The following EYA4 variants were observed in gnomAD, a reference collection of about 807,000 sequenced individuals.
The protein encoded by EYA4 is protein phosphatase EYA4.
A neutral mutation model predicts 87.9 loss-of-function variants in EYA4; 31 were observed. The observed-to-expected ratio is 0.35, with a 90% CI of 0.27 to 0.48. EYA4 has a LOEUF of 0.48. EYA4 is among the 20% of genes least tolerant of loss of function. The probability of loss-of-function intolerance (pLI) is 0.99; values close to 1 mark genes in which losing one functional copy is unlikely to be tolerated. For missense variants in EYA4, 678 were observed against 761.4 expected (o/e 0.89, Z 1.29); for synonymous variants, 263 against 270.6 (o/e 0.97, Z 0.28).
intron 3 of EYA4, among the ~76,000 whole-genome samples, chr6:133,396,631 C>T (rs893016775): frequency 1.4e-4 from 21 of 152,028 alleles, no homozygotes; most frequent in Admixed American, 3.3e-4. Flanking sequence ...AGGTTTTTCT[C>T]ATTATTTATA....
rs1799281344 is a variant in EYA4, at chr6:133,512,936, T to G, written c.1399T>G (p.Leu467Val). 6.2e-7 allele frequency: 1 copy of G among 1,614,054 alleles called. No homozygotes were observed. The highest frequency in any genetic ancestry group is 1.3e-5 in the African/African-American group (1 of 74,930). ...AGCTGCAAGTAGTGCAAACCTTTGT[T>G]TGCCAACAGGTGTAAGAGGAGGGGT... The part of the protein sequence containing the change: ...HAAASSANLC[L>V]PTGVRGGVDW... The change falls in exon 16 of 20, where the codon TTG (leucine) becomes GTG (valine). Residue 467 changes from leucine (L) to valine (V), a missense_variant. Leu to Val is a conservative substitution (Grantham distance 32, BLOSUM62 1). Transcript: ENST00000355286.
intron 2 of EYA4, among the ~76,000 whole-genome samples, chr6:133,350,491 C>T (rs1158034405): frequency 2.6e-5 from 4 of 151,868 alleles, no homozygotes; most frequent in Admixed American, 6.6e-5. Flanking sequence ...GAAAGGCAAC[C>T]GTTCAAATAT....
intron 5 of EYA4, among the ~76,000 whole-genome samples, chr6:133,451,616 G>A (rs1793449349): frequency 6.6e-6 from 1 of 152,168 alleles, no homozygotes; most frequent in Non-Finnish European, 1.5e-5. Flanking sequence ...TGGGAACCCA[G>A]TGACCTAAAG....
intron 2 of EYA4, among the ~76,000 whole-genome samples, chr6:133,280,689 C>T (rs1429631828): frequency 6.6e-6 from 1 of 152,156 alleles, no homozygotes; most frequent in African/African-American, 2.4e-5. Context: ...GCCACCGCGC[C>T]CGGCCAATAG....
intron 3 of EYA4, among the ~76,000 whole-genome samples, chr6:133,387,829 A>G (rs1046791891): frequency 6.6e-6 from 1 of 152,112 alleles, no homozygotes; most frequent in Non-Finnish European, 1.5e-5. Context: ...GTCTGGCCTC[A>G]TGTGGATGCT....
At chr6:133,311,759 G>A (rs573418222) in intron 2 of EYA4, among the ~76,000 whole-genome samples, 2 of 152,260 alleles carry the variant, frequency 1.3e-5, no homozygotes, top group African/African-American at 4.8e-5. Flanking sequence ...TAAGCTCCAC[G>A]AGGACATTCA....
rs771021236 is a variant in EYA4, at chr6:133,461,172, T to C, written c.429T>C (p.Tyr143=). The part of the protein sequence containing the change: ...RSAHQYSPQL[Y]PSKPYPHILS... ...CACATCAGTATTCCCCACAGCTGTA[T>C]CCTTCCAAGTAAGTGGTCAGTAGAT... Residue 143 remains tyrosine (Y), a synonymous_variant, in exon 7 of 20, where the codon TAT becomes TAC. Transcript: ENST00000355286. 1 of 1,611,276 alleles carries C rather than the reference T, an allele frequency of 6.2e-7. No individual in the cohort carries two copies. Among genetic ancestry groups the C allele is most frequent in the Non-Finnish European group, 8.5e-7 (1 of 1,177,500 alleles).
At chr6:133,436,351 C>G (rs569406743) in intron 3 of EYA4, among the ~76,000 whole-genome samples, 4 of 152,314 alleles carry the variant, frequency 2.6e-5, no homozygotes, top group African/African-American at 9.6e-5. Context: ...ATTCTAAGAA[C>G]TGTCCCAAGA....
intron 3 of EYA4, among the ~76,000 whole-genome samples, chr6:133,437,533 T>C (rs1791807523): frequency 6.6e-6 from 1 of 152,202 alleles, no homozygotes; most frequent in South Asian, 2.1e-4. Flanking sequence ...TGATAATATA[T>C]ATATGAAAAA....
chr6:133,473,011 C>A (rs953970164), intron 11 of EYA4, among the ~76,000 whole-genome samples: 46 of 151,960 alleles, frequency 3.0e-4, no homozygotes, highest in Non-Finnish European at 5.9e-5. Flanking sequence ...TTATAATACA[C>A]ATACTGATAC....
chr6:133,440,494 T>A (rs1792169436), intron 3 of EYA4, among the ~76,000 whole-genome samples: 1 of 152,108 alleles, frequency 6.6e-6, no homozygotes, highest in Non-Finnish European at 1.5e-5. Context: ...CAAATGACAA[T>A]AAGTTAAGAC....
intron 2 of EYA4, among the ~76,000 whole-genome samples, chr6:133,293,237 G>T (rs1477902911): frequency 6.6e-6 from 1 of 152,096 alleles, no homozygotes; most frequent in African/African-American, 2.4e-5. Flanking sequence ...TTCATCCAAA[G>T]ATCCACTAAA....
intron 13 of EYA4, among the ~76,000 whole-genome samples, chr6:133,486,257 T>C (rs978479927): frequency 7.2e-5 from 11 of 152,228 alleles, no homozygotes; most frequent in Non-Finnish European, 1.6e-4. Context: ...ACAATTTACT[T>C]AATGTAATTC....
chr6:133,265,514 G>C (rs1317394632), intron 1 of EYA4, among the ~76,000 whole-genome samples: 1 of 151,978 alleles, frequency 6.6e-6, no homozygotes, highest in Non-Finnish European at 1.5e-5. Context: ...ATATATTTGT[G>C]AAAACTAAAT....
intron 13 of EYA4, among the ~76,000 whole-genome samples, chr6:133,500,059 T>C (rs1484435838): frequency 6.6e-6 from 1 of 150,842 alleles, no homozygotes; most frequent in Non-Finnish European, 1.5e-5. Flanking sequence ...GGGAAGGGTC[T>C]ACAAGTGTGC....
At chr6:133,522,536 G>C (rs955337331) in intron 17 of EYA4, among the ~76,000 whole-genome samples, 1 of 152,044 alleles carries the variant, frequency 6.6e-6, no homozygotes, top group Non-Finnish European at 1.5e-5. Flanking sequence ...GAAAGTAAAT[G>C]CATGAAATGG....
intron 12 of EYA4, among the ~76,000 whole-genome samples, chr6:133,481,817 C>A (rs1562471711): frequency 6.6e-6 from 1 of 152,020 alleles, no homozygotes; most frequent in Non-Finnish European, 1.5e-5. Context: ...TAAAAATGAT[C>A]TTGATTTACA....
intron 3 of EYA4, among the ~76,000 whole-genome samples, chr6:133,444,813 T>TAA (rs901404854): frequency 2.0e-5 from 3 of 152,220 alleles, no homozygotes; most frequent in African/African-American, 7.2e-5. Flanking sequence ...GGCAGCGTAC[T>TAA]AAAGTAGCAC....
At chr6:133,417,675 C>T (rs555763677) in intron 3 of EYA4, among the ~76,000 whole-genome samples, 1 of 140,384 alleles carries the variant, frequency 7.1e-6, no homozygotes, top group African/African-American at 3.2e-5. Flanking sequence ...ATGCATATCA[C>T]TAATAAAAAC....
Sources: gnomAD v4.1 joint callset for allele counts (sites outside exome capture counted in the v4.1 genomes callset) on GRCh38, gnomAD v4.1.1 for gene constraint, MANE v1.5 for transcripts, NCBI Gene and HGNC (gene_info 2026-07-23, HGNC 2026-07-21) for gene names.